Variants in ARPP19 observed in about 807,000 individuals in gnomAD.
ARPP19 encodes cAMP-regulated phosphoprotein 19.
A neutral mutation model predicts 12.0 loss-of-function variants in ARPP19; 8 were observed. That is an observed-to-expected ratio of 0.67 (90% CI 0.39 to 1.21). The LOEUF is 1.21. ARPP19 is among the 50% of genes most tolerant of loss of function. The pLI is 0.01. For missense variants in ARPP19, 102 were observed against 136.3 expected (o/e 0.75, Z 1.25); for synonymous variants, 47 against 50.4 (o/e 0.93, Z 0.29).
At chr15:52,552,484 A>C (rs1346747555) in intron 2 of ARPP19, among the ~76,000 whole-genome samples, 1 of 149,060 alleles carries the variant, frequency 6.7e-6, no homozygotes, top group South Asian at 2.1e-4. Context: ...GCTACTCCAG[A>C]GGTTGAGGCT....
rs1439519781 is a variant in ARPP19, at chr15:52,551,723, T to C, written c.*211A>G. 5 of 496,686 alleles carry C rather than the reference T, an allele frequency of 1.0e-5. No homozygotes were observed. The highest frequency in any genetic ancestry group is 1.8e-5 in the Non-Finnish European group (5 of 281,870). 30.8% of individuals were successfully genotyped at this position (496,686 alleles called of 1,614,324 possible). On this transcript the variant is annotated 3_prime_UTR_variant, in exon 3 of 3. Coordinates refer to ENST00000249822, the MANE Select transcript of ARPP19 (RefSeq NM_006628.6). Reference sequence around the variant, plus strand: ...CAACTATTTTCAAGTAGTTTACTTATGTTGCTCTAACATGTCCTCTTCACC... The same window carrying C: ...CAACTATTTTCAAGTAGTTTACTTACGTTGCTCTAACATGTCCTCTTCACC...
intron 2 of ARPP19, among the ~76,000 whole-genome samples, chr15:52,554,997 G>C (rs2077968390): frequency 6.6e-6 from 1 of 151,960 alleles, no homozygotes; most frequent in Admixed American, 6.6e-5. Context: ...AATTTGTCAA[G>C]TTTGCTAACT....
Position 52,568,999 on chromosome 15 carries a change from TCCGC to T in ARPP19, c.-111_-108del. On this transcript the variant is annotated 5_prime_UTR_variant, in exon 1 of 3. Transcript: ENST00000249822. Reference sequence around the variant, plus strand: ...CTCTCCCAGGGCCCGCCGGGCCGCCTCCGCCCGCGAAAATGGCCGCCGCCTTATG... The same window carrying T: ...CTCTCCCAGGGCCCGCCGGGCCGCCTCCGCGAAAATGGCCGCCGCCTTATG... The T allele has an allele frequency of 1.3e-6, 1 of 789,818 alleles. No individual in the cohort carries two copies. Among genetic ancestry groups the T allele is most frequent in the Non-Finnish European group, 2.0e-6 (1 of 502,266 alleles). The allele number at this position is 789,818 out of a possible 1,614,324, so 48.9% of individuals were successfully genotyped here. A position where few individuals can be genotyped will look rare whatever the true frequency, so the allele number is the denominator to read the frequency against.
intron 1 of ARPP19, chr15:52,568,184 T>C (rs571699064): frequency 6.6e-6 from 1 of 152,358 alleles, no homozygotes; most frequent in African/African-American, 2.4e-5. Flanking sequence ...GTGAGTAAAA[T>C]TTTAAAATTC....
chr15:52,558,697 CA>C (rs571590546), intron 1 of ARPP19, among the ~76,000 whole-genome samples: 2 of 149,324 alleles, frequency 1.3e-5, no homozygotes, highest in African/African-American at 4.9e-5. Context: ...ATATAGCAAG[CA>C]AACCATTTAT....
chr15:52,564,677 T>C (rs1238457184), intron 1 of ARPP19, among the ~76,000 whole-genome samples: 1 of 152,076 alleles, frequency 6.6e-6, no homozygotes, highest in African/African-American at 2.4e-5. Flanking sequence ...CAAGACATAT[T>C]AGTTTGGTGA....
chr15:52,564,285 A>C, intron 1 of ARPP19: 63 of 1,446,554 alleles, frequency 4.4e-5, no homozygotes, highest in Non-Finnish European at 5.4e-5. Context: ...GCGGTTGCTC[A>C]CACCTGCAGT....
At chr15:52,558,039 A>G (rs2077997648) in intron 1 of ARPP19, among the ~76,000 whole-genome samples, 1 of 152,220 alleles carries the variant, frequency 6.6e-6, no homozygotes, top group Non-Finnish European at 1.5e-5. Context: ...AGAACTATCA[A>G]TTCTTCCATC....
rs2077936639 is a variant in ARPP19 at position 52,552,004 on chromosome 15, T to A, written c.269A>T (p.Asp90Val). 3.7e-6 allele frequency: 6 copies of A among 1,612,280 alleles called. No homozygotes were observed. Among genetic ancestry groups the A allele is most frequent in the Non-Finnish European group, 5.1e-6 (6 of 1,178,220 alleles). The change falls in exon 3 of 3, where the codon GAC (aspartate) becomes GTC (valine). Residue 90 changes from aspartate (D) to valine (V), a missense_variant. Coordinates refer to ENST00000249822, the MANE Select transcript of ARPP19 (RefSeq NM_006628.6). ...AAGGTCTTGCGGAGTGGGAATGTGG[T>A]CACCAGTGACCTCCGTCTTATCCGG... The part of the protein sequence containing the change: ...AAPDKTEVTG[D>V]HIPTPQDLPQ...
chr15:52,564,145 CT>C, intron 1 of ARPP19: 1 of 1,407,656 alleles, frequency 7.1e-7, no homozygotes, highest in Non-Finnish European at 9.7e-7. Context: ...TCGCAAACTG[CT>C]AAGACGGCTA....
At chr15:52,561,222 A>G (rs2078029431) in intron 1 of ARPP19, among the ~76,000 whole-genome samples, 1 of 152,234 alleles carries the variant, frequency 6.6e-6, no homozygotes, top group Admixed American at 6.5e-5. Context: ...ACATTTACTT[A>G]AGCTAGAATG....
chr15:52,564,278 G>T (rs1189603877), intron 1 of ARPP19: 4 of 1,500,714 alleles, frequency 2.7e-6, no homozygotes, highest in East Asian at 2.5e-5. Flanking sequence ...GGATGAGGCG[G>T]TTGCTCACAC....
intron 1 of ARPP19, 36 bp downstream of exon 1, chr15:52,568,812 T>G (rs1462635639): frequency 1.3e-6 from 2 of 1,521,016 alleles, no homozygotes; most frequent in African/African-American, 1.5e-5. Context: ...GACCCGGCCT[T>G]GGGCAGGGCC....
intron 1 of ARPP19, 181 bp downstream of exon 1, chr15:52,568,667 G>C: frequency 2.0e-6 from 1 of 488,590 alleles, no homozygotes; most frequent in Non-Finnish European, 3.6e-6. Flanking sequence ...GGGCACGTTG[G>C]AACTCCCAAT....
At chr15:52,567,701 A>G (rs1227529360) in intron 1 of ARPP19, among the ~76,000 whole-genome samples, 2 of 152,132 alleles carry the variant, frequency 1.3e-5, no homozygotes, top group East Asian at 1.9e-4. Context: ...TACCTATGCT[A>G]TATGTTTTCT....
At chr15:52,565,110 C>T (rs2140252304) in intron 1 of ARPP19, among the ~76,000 whole-genome samples, 1 of 151,270 alleles carries the variant, frequency 6.6e-6, no homozygotes, top group South Asian at 2.1e-4. Flanking sequence ...CACTGTGGTG[C>T]CATCAAAGGT....
chr15:52,564,507 A>G (rs765086266), intron 1 of ARPP19, among the ~76,000 whole-genome samples: 2 of 152,234 alleles, frequency 1.3e-5, no homozygotes, highest in Admixed American at 1.3e-4. Flanking sequence ...TTTTTAAAAT[A>G]CTGGAAGCAT....
chr15:52,556,985 A>T, intron 2 of ARPP19, 115 bp downstream of exon 2: 1 of 1,138,248 alleles, frequency 8.8e-7, no homozygotes, highest in Non-Finnish European at 1.3e-6. Flanking sequence ...ACATATACAC[A>T]TATGTACATA....
intron 2 of ARPP19, among the ~76,000 whole-genome samples, chr15:52,552,612 A>C (rs2077945589): frequency 6.8e-6 from 1 of 148,040 alleles, no homozygotes; most frequent in Non-Finnish European, 1.5e-5. Flanking sequence ...AAAAAAAAGA[A>C]CCTGCCTTCA....
Sources: allele counts gnomAD v4.1 joint callset (sites outside exome capture counted in the v4.1 genomes callset), GRCh38; gene constraint gnomAD v4.1.1; transcripts MANE v1.5; gene names NCBI Gene and HGNC (gene_info 2026-07-23, HGNC 2026-07-21).